The following STAT5B variants were observed in gnomAD, a reference collection of about 807,000 sequenced individuals.
STAT5B encodes the protein signal transducer and activator of transcription 5B.
In STAT5B, 21 loss-of-function variants were observed where a neutral mutation model predicts 107.8. That is an observed-to-expected ratio of 0.19 (90% CI 0.14 to 0.28). The LOEUF (loss-of-function observed/expected upper bound fraction) is 0.28. Among genes scored for constraint, STAT5B ranks in the 10% least tolerant of loss-of-function variants. STAT5B has a pLI of 1.00. For missense variants in STAT5B, 565 were observed against 1,008.2 expected (o/e 0.56, Z 5.95); for synonymous variants, 325 against 401.7 (o/e 0.81, Z 2.28).
Position 42,200,844 on chromosome 17 carries a change from G to A in STAT5B, c.*894C>T, listed in dbSNP as rs113824843. ...TGGCTCAGAGAAAGGCTGGGCAGCC[G>A]GAACAGCAGCTTCCTGGGTAACCAG... On this transcript the variant is annotated 3_prime_UTR_variant, in exon 19 of 19. Coordinates refer to ENST00000293328, the MANE Select transcript of STAT5B (RefSeq NM_012448.4). The A allele has an allele frequency of 8.8e-3, 3,359 of 382,718 alleles. 111 individuals carry two copies. Among genetic ancestry groups the A allele is most frequent in the African/African-American group, 0.063 (3,065 of 48,492 alleles). 23.7% of individuals were successfully genotyped at this position (382,718 alleles called of 1,614,324 possible).
chr17:42,224,024 T>C (rs2080252706), intron 4 of STAT5B, among the ~76,000 whole-genome samples: 1 of 152,098 alleles, frequency 6.6e-6, no homozygotes, highest in Admixed American at 6.6e-5. Context: ...ATTCTCGTGA[T>C]GGAATCATTT....
rs758513855 is a variant in STAT5B, at chr17:42,212,008, A to C, written c.1656T>G (p.Ser552=). Residue 552 remains serine (S), a synonymous_variant, in exon 13 of 19, where the codon TCT becomes TCG. Coordinates refer to ENST00000293328, the MANE Select transcript of STAT5B (RefSeq NM_012448.4). Reference sequence around the variant, plus strand: ...CCCTGTTGAACTGGGACCAGGACACAGACAGGCCACTGTAGTCCTCCAGGT... The same window carrying C: ...CCCTGTTGAACTGGGACCAGGACACCGACAGGCCACTGTAGTCCTCCAGGT... The part of the protein sequence containing the change: ...SSHLEDYSGL[S]VSWSQFNREN... The C allele has an allele frequency of 1.2e-6, 2 of 1,613,412 alleles. No homozygotes were observed. Among genetic ancestry groups the C allele is most frequent in the Non-Finnish European group, 1.7e-6 (2 of 1,179,770 alleles).
intron 16 of STAT5B, among the ~76,000 whole-genome samples, chr17:42,204,518 A>C (rs1478377323): frequency 6.6e-6 from 1 of 152,344 alleles, no homozygotes; most frequent in Admixed American, 6.5e-5. Flanking sequence ...AAGTGTCAGG[A>C]GCGACCTTTT....
chr17:42,211,829 G>T (rs983795464), intron 13 of STAT5B, among the ~76,000 whole-genome samples, 155 bp downstream of exon 13: 4 of 152,222 alleles, frequency 2.6e-5, no homozygotes, highest in African/African-American at 9.6e-5. Context: ...CGTGACCTGG[G>T]TAACTCTCAA....
At chr17:42,219,166 C>G (rs1321687996) in intron 7 of STAT5B, 146 bp downstream of exon 7, 1 of 1,423,212 alleles carries the variant, frequency 7.0e-7, no homozygotes, top group Non-Finnish European at 9.3e-7. Flanking sequence ...GGGCCAAAGT[C>G]TGATTGAGGA....
intron 9 of STAT5B, chr17:42,217,737 G>T: frequency 4.1e-6 from 2 of 487,638 alleles, no homozygotes; most frequent in Non-Finnish European, 7.4e-6. Context: ...TGCCCAGGCT[G>T]GAGTGCAGTG....
At chr17:42,271,686 A>G (rs1226759631) in intron 1 of STAT5B, 1 of 152,186 alleles carries the variant, frequency 6.6e-6, no homozygotes, top group Admixed American at 6.5e-5. Flanking sequence ...AAAAAGATAA[A>G]TGTTCTTCAT....
intron 1 of STAT5B, among the ~76,000 whole-genome samples, chr17:42,238,945 T>TA (rs758681429): frequency 1.8e-3 from 258 of 142,876 alleles, no homozygotes; most frequent in Middle Eastern, 3.6e-3. Flanking sequence ...ACTAAACTCT[T>TA]AAAAAAAAAA....
chr17:42,203,130 G>A (rs1431232959), intron 16 of STAT5B, among the ~76,000 whole-genome samples: 1 of 151,918 alleles, frequency 6.6e-6, no homozygotes, highest in Admixed American at 6.6e-5. Flanking sequence ...TAGTAGAGAT[G>A]GGGTTTCACC....
intron 16 of STAT5B, among the ~76,000 whole-genome samples, chr17:42,206,937 C>T (rs977881578): frequency 2.0e-5 from 3 of 148,440 alleles, no homozygotes; most frequent in Non-Finnish European, 4.4e-5. Flanking sequence ...AGTGTGGTGG[C>T]GTGGTCTCAG....
In STAT5B at chr17:42,232,199, G is replaced by A. The variant is rs2080323079; in HGVS notation, c.-10-62C>T. On this transcript the variant is annotated intron_variant, in intron 1 of 18. Transcript: ENST00000293328. ...CTTTATTTTCCCCTTACATCCACCA[G>A]AGTAAATATTCACTTAGTTACCAAG... is the stretch of plus-strand genomic sequence containing the variant. The A allele has an allele frequency of 1.9e-6, 3 of 1,548,996 alleles. No homozygotes were observed. The South Asian group carries it at 3.7e-5, about 19-fold the overall frequency.
At chr17:42,220,245 C>T (rs1361880518) in intron 5 of STAT5B, among the ~76,000 whole-genome samples, 3 of 152,220 alleles carry the variant, frequency 2.0e-5, no homozygotes, top group African/African-American at 7.2e-5. Context: ...CTTTCCTGTG[C>T]CTTGGCTTCC....
At chr17:42,230,574 A>G (rs978699934) in intron 2 of STAT5B, among the ~76,000 whole-genome samples, 4 of 152,218 alleles carry the variant, frequency 2.6e-5, no homozygotes, top group Non-Finnish European at 4.4e-5. Flanking sequence ...TGTAATCAGT[A>G]ATCTGGAAAA....
chr17:42,250,482 T>C (rs2080489288), intron 1 of STAT5B, among the ~76,000 whole-genome samples: 1 of 152,058 alleles, frequency 6.6e-6, no homozygotes, highest in African/African-American at 2.4e-5. Flanking sequence ...CCTTAAATAA[T>C]AGCAAAGGAA....
chr17:42,260,917 C>CTTTTTTTTTTT, intron 1 of STAT5B, among the ~76,000 whole-genome samples: 1 of 141,916 alleles, frequency 7.0e-6, no homozygotes, highest in African/African-American at 2.6e-5. Context: ...TATGTCTTAC[C>CTTTTTTTTTTT]TTTTTTTTTT....
chr17:42,259,413 G>A (rs1045427225), intron 1 of STAT5B, among the ~76,000 whole-genome samples: 3 of 152,176 alleles, frequency 2.0e-5, no homozygotes, highest in African/African-American at 7.2e-5. Flanking sequence ...AAACAAGAGG[G>A]TGCATCTGTG....
At chr17:42,262,809 TACACAC>T (rs66859052) in intron 1 of STAT5B, among the ~76,000 whole-genome samples, 1 of 122,962 alleles carries the variant, frequency 8.1e-6, no homozygotes, top group Non-Finnish European at 1.7e-5. Context: ...TGTGTATATA[TACACAC>T]ATATATATGT....
At position 42,217,287 on chromosome 17, in the gene STAT5B, A is replaced by G. The variant is rs756157341; in HGVS notation, c.1258-5T>C. 23 of 1,614,220 alleles carry G rather than the reference A, an allele frequency of 1.4e-5. No individual in the cohort carries two copies. Among genetic ancestry groups the G allele is most frequent in the South Asian group, 3.3e-5 (3 of 91,084 alleles). ...CCTCTTAATTCGTTTCAGGGACTAC[A>G]AAGAAGAAACATAAGATGAAACGTA... On this transcript the variant is annotated splice_region_variant and splice_polypyrimidine_tract_variant and intron_variant, in intron 10 of 18. Transcript: ENST00000293328.
rs376599040 is a variant in STAT5B, at chr17:42,218,843, C to T, written c.869G>A (p.Arg290Gln). 14 of 1,613,532 alleles carry T rather than the reference C, an allele frequency of 8.7e-6. No homozygotes were observed. The highest frequency in any genetic ancestry group is 4.5e-5 in the East Asian group (2 of 44,886). ...GTGCTCAGCCCTGCGGATCTGCTGCCGGTTCTGCCAGATGATCTCGGCCAA... is the reference window on the plus strand; with the variant it reads ...GTGCTCAGCCCTGCGGATCTGCTGCTGGTTCTGCCAGATGATCTCGGCCAA... The part of the protein sequence containing the change: ...EKLAEIIWQN[R>Q]QQIRRAEHLC... Residue 290 changes from arginine to glutamine, a missense_variant, in exon 8 of 19, where the codon CGG becomes CAG. Transcript: ENST00000293328.
Sources: allele counts gnomAD v4.1 joint callset (sites outside exome capture counted in the v4.1 genomes callset), GRCh38; gene constraint gnomAD v4.1.1; transcripts MANE v1.5; gene names NCBI Gene and HGNC (gene_info 2026-07-23, HGNC 2026-07-21).